The following C8orf89 variants were observed in gnomAD, a reference collection of about 807,000 sequenced individuals.
C8orf89 encodes the protein chromosome 8 open reading frame 89, also known as putative uncharacterized protein C8orf89.
C8orf89 carries 14 observed loss-of-function variants against 15.8 expected under a neutral mutation model. The observed-to-expected ratio is 0.89, with a 90% CI of 0.59 to 1.39. The LOEUF is 1.39. Among genes scored for constraint, C8orf89 ranks in the 40% most tolerant of loss-of-function variants. The pLI is 0.00. For missense variants in C8orf89, 181 were observed against 184.5 expected (o/e 0.98, Z 0.11); for synonymous variants, 55 against 62.2 (o/e 0.88, Z 0.54).
chr8:73,244,763 C>T (rs2130245935), intron 3 of C8orf89, among the ~76,000 whole-genome samples: 1 of 152,126 alleles, frequency 6.6e-6, no homozygotes, highest in South Asian at 2.1e-4. Flanking sequence ...TTTAAAAGAC[C>T]CTCTGGCAGC....
the C8orf89 span, among the ~76,000 whole-genome samples, chr8:73,270,935 C>T: frequency 1.3e-5 from 2 of 152,218 alleles, no homozygotes; most frequent in East Asian, 3.9e-4. Context: ...TAAGCTTTCC[C>T]TAAATAAAGT....
intron 2 of C8orf89, among the ~76,000 whole-genome samples, chr8:73,252,997 G>T (rs1586164265): frequency 1.3e-5 from 2 of 152,168 alleles, no homozygotes; most frequent in East Asian, 3.8e-4. Flanking sequence ...CAAAAAGTTA[G>T]CCGGGCGTGG....
At chr8:73,284,105 GA>G in the C8orf89 span, among the ~76,000 whole-genome samples, 1 of 149,950 alleles carries the variant, frequency 6.7e-6, no homozygotes, top group Non-Finnish European at 1.5e-5. Flanking sequence ...GGGAAAAATT[GA>G]AACCAATCTC....
At chr8:73,261,758 C>T (rs956504057), upstream of C8orf89, among the ~76,000 whole-genome samples, 5 of 152,188 alleles carry the variant, frequency 3.3e-5, no homozygotes, top group South Asian at 2.1e-4. Flanking sequence ...CATTAGGAAA[C>T]GTAGTCAGGG....
intron 3 of C8orf89, among the ~76,000 whole-genome samples, chr8:73,247,587 T>C (rs1176490572): frequency 5.3e-5 from 8 of 152,056 alleles, no homozygotes; most frequent in East Asian, 1.9e-4. Context: ...TTTTTCTTTG[T>C]AACCTCTCCA....
At chr8:73,245,494 A>G (rs1813105027) in intron 3 of C8orf89, among the ~76,000 whole-genome samples, 1 of 152,164 alleles carries the variant, frequency 6.6e-6, no homozygotes. Flanking sequence ...ACATGGAGGA[A>G]AAAGATAATA....
At chr8:73,261,802 C>T (rs1443997540), upstream of C8orf89, among the ~76,000 whole-genome samples, 1 of 152,162 alleles carries the variant, frequency 6.6e-6, no homozygotes, top group East Asian at 1.9e-4. Context: ...CAGCTCAGCA[C>T]TGGTTCCAAA....
At chr8:73,258,272 A>G (rs545461631) in intron 1 of C8orf89, among the ~76,000 whole-genome samples, 1 of 152,058 alleles carries the variant, frequency 6.6e-6, no homozygotes, top group Non-Finnish European at 1.5e-5. Context: ...TCTGCTGCGC[A>G]TGGCAGTGCA....
intron 1 of C8orf89, 22 bp downstream of exon 1, chr8:73,259,310 A>C: frequency 7.0e-7 from 1 of 1,424,256 alleles, no homozygotes; most frequent in Non-Finnish European, 9.4e-7. Flanking sequence ...TTTCTTAAGG[A>C]AAATAATAAC....
chr8:73,259,430 C>A lies in C8orf89; in HGVS notation c.29G>T (p.Cys10Phe), dbSNP rs201144089. ...ACTTCTGGTGAATTTAGAAGTCTCA[C>A]ATTTGATTTCAGGAGATAGCACTGA... is the stretch of plus-strand genomic sequence containing the variant. The part of the protein sequence containing the change: MSVLSPEIK[C>F]ETSKFTRSSF... Residue 10 changes from cysteine to phenylalanine, a missense_variant, in exon 1 of 4, where the codon TGT (cysteine) becomes TTT (phenylalanine). Coordinates refer to ENST00000624510, the MANE Select transcript of C8orf89 (RefSeq NM_001243237.3). 2.2e-5 allele frequency: 34 copies of A among 1,533,856 alleles called. 2 individuals carry two copies. The East Asian group carries it at 4.2e-4, about 19-fold the overall frequency.
At chr8:73,258,876 CT>C (rs1427421986) in intron 1 of C8orf89, among the ~76,000 whole-genome samples, 12 of 152,124 alleles carry the variant, frequency 7.9e-5, no homozygotes, top group African/African-American at 1.7e-4. Context: ...AGCGATCCAC[CT>C]GCCTTGGCCT....
chr8:73,270,621 A>C, the C8orf89 span, among the ~76,000 whole-genome samples: 1 of 152,258 alleles, frequency 6.6e-6, no homozygotes, highest in South Asian at 2.1e-4. Context: ...AATTTAAAAA[A>C]TAGTCCAGAC....
chr8:73,277,445 A>G, the C8orf89 span: 1 of 1,134,230 alleles, frequency 8.8e-7, no homozygotes, highest in Non-Finnish European at 1.3e-6. Flanking sequence ...TTGTCTCCAA[A>G]TTCTTTTTCT....
At chr8:73,270,993 G>T in the C8orf89 span, among the ~76,000 whole-genome samples, 1 of 152,160 alleles carries the variant, frequency 6.6e-6, no homozygotes, top group South Asian at 2.1e-4. Flanking sequence ...ATGAAGAGAT[G>T]AATGTATATA....
At chr8:73,281,437 T>C in the C8orf89 span, among the ~76,000 whole-genome samples, 1 of 152,182 alleles carries the variant, frequency 6.6e-6, no homozygotes, top group Non-Finnish European at 1.5e-5. Flanking sequence ...TATAGATTCA[T>C]TGAGAAAGAT....
Position 73,250,314 on chromosome 8 carries a change from C to T in C8orf89, c.291G>A (p.Lys97=), listed in dbSNP as rs774148598. The T allele has an allele frequency of 6.6e-7, 1 of 1,524,368 alleles. No individual in the cohort carries two copies. Among genetic ancestry groups the T allele is most frequent in the Non-Finnish European group, 8.8e-7 (1 of 1,137,380 alleles). 94.4% of individuals were successfully genotyped at this position (1,524,368 alleles called of 1,614,324 possible). Residue 97 remains lysine, a synonymous_variant, in exon 3 of 4, where the codon AAG becomes AAA. Transcript: ENST00000624510. ...GTGCCACACTGCATGTCTCCTTAGT[C>T]TTCTTTAGCCTGAATATTATATATT... ...DAEVSAVRLK[K]TKETCSVAPL...
At chr8:73,281,417 A>G in the C8orf89 span, among the ~76,000 whole-genome samples, 1 of 152,140 alleles carries the variant, frequency 6.6e-6, no homozygotes, top group African/African-American at 2.4e-5. Flanking sequence ...GAACATAAAG[A>G]AAGATGAGTT....
At chr8:73,277,857 A>G in the C8orf89 span, 11 of 701,852 alleles carry the variant, frequency 1.6e-5, no homozygotes, top group South Asian at 1.5e-4. Context: ...TTTGCTTTCA[A>G]AGTCCTTGGT....
chr8:73,243,799 G>A (rs1393724542), intron 3 of C8orf89, among the ~76,000 whole-genome samples: 2 of 151,854 alleles, frequency 1.3e-5, no homozygotes, highest in Non-Finnish European at 2.9e-5. Flanking sequence ...CAAAGTGCTG[G>A]GATTACAGGC....
Sources: allele counts gnomAD v4.1 joint callset (sites outside exome capture counted in the v4.1 genomes callset), GRCh38; gene constraint gnomAD v4.1.1; transcripts MANE v1.5; gene names NCBI Gene and HGNC (gene_info 2026-07-23, HGNC 2026-07-21).